Variants in SCAPER observed in about 807,000 individuals in gnomAD.
SCAPER encodes the protein S phase cyclin A-associated protein in the endoplasmic reticulum.
SCAPER carries 98 observed loss-of-function variants against 182.2 expected under a neutral mutation model. The ratio of observed to expected loss-of-function variants is 0.54; its 90% confidence interval spans 0.46 to 0.64. SCAPER has a LOEUF of 0.64. Ranked by LOEUF, SCAPER falls within the 30% of genes least tolerant of loss-of-function variation. SCAPER has a pLI of 0.00. For missense variants in SCAPER, 1,432 were observed against 1,690.0 expected (o/e 0.85, Z 2.68); for synonymous variants, 605 against 564.6 (o/e 1.07, Z -1.01).
At chr15:76,439,463 A>G (rs531414788) in intron 25 of SCAPER, among the ~76,000 whole-genome samples, 1 of 152,366 alleles carries the variant, frequency 6.6e-6, no homozygotes, top group South Asian at 2.1e-4. Context: ...CTAGTTAGGT[A>G]TCACTGTTAC....
At chr15:76,492,455 T>C (rs545243371) in intron 24 of SCAPER, among the ~76,000 whole-genome samples, 73 of 152,348 alleles carry the variant, frequency 4.8e-4, no homozygotes, top group African/African-American at 1.8e-3. Context: ...TCATTTTAGT[T>C]ATGCTCATTG....
chr15:76,495,997 C>G (rs958739837), intron 24 of SCAPER, among the ~76,000 whole-genome samples: 7 of 23,772 alleles, frequency 2.9e-4, no homozygotes, highest in African/African-American at 5.2e-4. Context: ...GAGAGAGACA[C>G]ACACACACAC....
At chr15:76,352,196 G>C (rs1470228692) in intron 30 of SCAPER, among the ~76,000 whole-genome samples, 2 of 152,042 alleles carry the variant, frequency 1.3e-5, no homozygotes, top group Non-Finnish European at 2.9e-5. Flanking sequence ...GAAGTCCCTA[G>C]CTCCTTTTCC....
In SCAPER at chr15:76,445,805, T is replaced by A. The variant is rs185914720; in HGVS notation, c.3079-11495A>T. On this transcript the variant is annotated intron_variant, in intron 25 of 31. Coordinates refer to ENST00000563290, the MANE Select transcript of SCAPER (RefSeq NM_020843.4). ...AATCAGGCTTCCAATACAGTCTCCATGCACCCCGGGTGGAGGTGCATCATT... is the reference window on the plus strand; with the variant it reads ...AATCAGGCTTCCAATACAGTCTCCAAGCACCCCGGGTGGAGGTGCATCATT... Among the ~76,000 whole-genome samples the A allele has an allele frequency of 9.9e-5, 15 of 152,252 alleles. No individual in the cohort carries two copies. In the East Asian group the frequency reaches 2.1e-3, roughly 22 times the overall value.
intron 26 of SCAPER, among the ~76,000 whole-genome samples, chr15:76,405,222 T>C (rs1432823230): frequency 6.7e-6 from 1 of 149,814 alleles, no homozygotes; most frequent in African/African-American, 2.5e-5. Context: ...CAAGAGATCC[T>C]CCTGCCTCAG....
intron 4 of SCAPER, among the ~76,000 whole-genome samples, chr15:76,851,233 TG>T (rs2070725737): frequency 6.6e-6 from 1 of 151,244 alleles, no homozygotes; most frequent in African/African-American, 2.4e-5. Context: ...CTGAAAAGGA[TG>T]GGGAGAAAAC....
chr15:76,488,714 CTTTTT>C (rs71143333), intron 24 of SCAPER, among the ~76,000 whole-genome samples: 6,793 of 93,040 alleles, frequency 0.073, 1,027 homozygotes, highest in African/African-American at 0.23. Flanking sequence ...AGTACACTGC[CTTTTT>C]TTTTTTTTTT....
intron 27 of SCAPER, among the ~76,000 whole-genome samples, chr15:76,383,933 CAA>C (rs1156344971): frequency 6.6e-6 from 1 of 152,106 alleles, no homozygotes; most frequent in African/African-American, 2.4e-5. Context: ...TCAATAAAAA[CAA>C]AAGTTTAAGA....
intron 25 of SCAPER, among the ~76,000 whole-genome samples, chr15:76,468,127 G>T (rs2049836224): frequency 6.6e-6 from 1 of 152,036 alleles, no homozygotes; most frequent in South Asian, 2.1e-4. Context: ...AAACCAGTTA[G>T]CAAGAAAAAT....
chr15:76,357,584 G>C (rs1366547535), intron 29 of SCAPER, among the ~76,000 whole-genome samples: 1 of 152,098 alleles, frequency 6.6e-6, no homozygotes, highest in Non-Finnish European at 1.5e-5. Flanking sequence ...TACCAACTGG[G>C]TATCTACCCA....
At chr15:76,742,314 T>C (rs976304259) in intron 15 of SCAPER, among the ~76,000 whole-genome samples, 2 of 150,870 alleles carry the variant, frequency 1.3e-5, no homozygotes, top group Admixed American at 1.3e-4. Context: ...AGGTAATCTA[T>C]AAAACAGGTG....
intron 17 of SCAPER, 122 bp from the exon 18 acceptor site, chr15:76,706,106 T>C: frequency 1.6e-6 from 1 of 611,876 alleles, no homozygotes; most frequent in African/African-American, 1.9e-5. Flanking sequence ...TTTAAAATAT[T>C]CTTCTTAAAG....
chr15:76,477,471 T>C (rs1238122957), intron 24 of SCAPER, among the ~76,000 whole-genome samples: 1 of 152,172 alleles, frequency 6.6e-6, no homozygotes, highest in Non-Finnish European at 1.5e-5. Context: ...GAACAAATCA[T>C]TCTGTACCAC....
intron 1 of SCAPER, among the ~76,000 whole-genome samples, chr15:76,888,917 C>A (rs964874154): frequency 1.3e-5 from 2 of 152,162 alleles, no homozygotes; most frequent in Admixed American, 1.3e-4. Flanking sequence ...ATGTTAAGGG[C>A]AGCCAGAGAG....
At chr15:76,803,169 C>G (rs2151522548) in intron 6 of SCAPER, among the ~76,000 whole-genome samples, 1 of 152,336 alleles carries the variant, frequency 6.6e-6, no homozygotes, top group South Asian at 2.1e-4. Context: ...TGGTCCTAGC[C>G]TAGCTCTCTA....
intron 20 of SCAPER, among the ~76,000 whole-genome samples, chr15:76,668,948 A>T (rs950832715): frequency 3.9e-5 from 6 of 152,184 alleles, no homozygotes; most frequent in African/African-American, 1.4e-4. Flanking sequence ...CTTAGAAAAA[A>T]CTTAGAAGGT....
intron 24 of SCAPER, among the ~76,000 whole-genome samples, chr15:76,487,677 C>T (rs2051792234): frequency 6.6e-6 from 1 of 152,108 alleles, no homozygotes; most frequent in Admixed American, 6.6e-5. Context: ...GAATCTAAAA[C>T]TACTCTAATA....
chr15:76,434,054 T>C, intron 26 of SCAPER, 24 bp downstream of exon 26: 1 of 1,582,162 alleles, frequency 6.3e-7, no homozygotes, highest in Non-Finnish European at 8.6e-7. Flanking sequence ...AAGAACAAAG[T>C]TTTAAGAACT....
intron 21 of SCAPER, among the ~76,000 whole-genome samples, chr15:76,662,477 TCTACTTTATTTGAA>T (rs1178027075): frequency 6.6e-6 from 1 of 152,172 alleles, no homozygotes. Context: ...TTGAAGGACT[TCTACTTTATTTGAA>T]GACTTTCTAC....
Sources: gnomAD v4.1 joint callset for allele counts (sites outside exome capture counted in the v4.1 genomes callset) on GRCh38, gnomAD v4.1.1 for gene constraint, MANE v1.5 for transcripts, NCBI Gene and HGNC (gene_info 2026-07-23, HGNC 2026-07-21) for gene names.